CROT: variants seen among roughly 807,000 people sequenced by gnomAD.
The protein encoded by CROT is carnitine O-octanoyltransferase, also known as peroxisomal carnitine O-octanoyltransferase.
In CROT, 84 loss-of-function variants were observed where a neutral mutation model predicts 89.2. The observed-to-expected ratio is 0.94, with a 90% CI of 0.79 to 1.13. The LOEUF (loss-of-function observed/expected upper bound fraction) is 1.13, where lower values mean the gene tolerates loss of function less well. CROT is among the 50% of genes most tolerant of loss of function. The pLI is 0.00. For missense variants in CROT, 711 were observed against 727.8 expected (o/e 0.98, Z 0.27); for synonymous variants, 212 against 239.5 (o/e 0.89, Z 1.06).
intron 6 of CROT, among the ~76,000 whole-genome samples, chr7:87,366,232 G>A (rs975895065): frequency 3.3e-5 from 5 of 150,354 alleles, no homozygotes; most frequent in Admixed American, 1.3e-4. Flanking sequence ...CTGTACCCTC[G>A]CAAGGGGGAA....
intron 3 of CROT, chr7:87,357,497 C>T: frequency 6.4e-7 from 1 of 1,551,476 alleles, no homozygotes; most frequent in Non-Finnish European, 8.7e-7. Flanking sequence ...ATCCTAATGT[C>T]CCTTTGTAGT....
intron 10 of CROT, 54 bp downstream of exon 10, chr7:87,377,504 C>A: frequency 9.8e-7 from 1 of 1,018,844 alleles, no homozygotes; most frequent in Non-Finnish European, 1.5e-6. Flanking sequence ...AAATTAATGA[C>A]AATAAACCAT....
chr7:87,385,701 C>A (rs1807163834), intron 13 of CROT, among the ~76,000 whole-genome samples: 1 of 152,144 alleles, frequency 6.6e-6, no homozygotes, highest in Non-Finnish European at 1.5e-5. Flanking sequence ...TTGGCTAGGA[C>A]TTCCAATACT....
At chr7:87,384,923 C>T (rs1241913100) in intron 13 of CROT, among the ~76,000 whole-genome samples, 2 of 152,208 alleles carry the variant, frequency 1.3e-5, no homozygotes, top group Non-Finnish European at 2.9e-5. Context: ...TTTCATTCTT[C>T]TGCATATGGA....
chr7:87,362,650 T>A (rs1359720415), intron 6 of CROT, among the ~76,000 whole-genome samples: 1 of 152,114 alleles, frequency 6.6e-6, no homozygotes, highest in Non-Finnish European at 1.5e-5. Context: ...CAATTTTTTT[T>A]TTTAAACTGG....
At chr7:87,366,618 G>A (rs766300804) in intron 6 of CROT, among the ~76,000 whole-genome samples, 63 of 152,246 alleles carry the variant, frequency 4.1e-4, no homozygotes, top group Non-Finnish European at 8.4e-4. Flanking sequence ...GTGATTTACA[G>A]TTTAATGATG....
chr7:87,373,323 A>G (rs1287804969), intron 7 of CROT, among the ~76,000 whole-genome samples: 1 of 152,114 alleles, frequency 6.6e-6, no homozygotes, highest in Non-Finnish European at 1.5e-5. Context: ...TTCTTTAGAT[A>G]TAAGTCTTTT....
At chr7:87,394,825 G>A (rs150066688) in intron 17 of CROT, among the ~76,000 whole-genome samples, 1 of 152,120 alleles carries the variant, frequency 6.6e-6, no homozygotes, top group African/African-American at 2.4e-5. Context: ...GCCAGCAAAG[G>A]ATAGTTTGAT....
At chr7:87,365,501 A>G (rs1273078649) in intron 6 of CROT, among the ~76,000 whole-genome samples, 1 of 151,738 alleles carries the variant, frequency 6.6e-6, no homozygotes, top group Non-Finnish European at 1.5e-5. Context: ...AAAAAAAAAA[A>G]AGAGAGGGAG....
intron 6 of CROT, among the ~76,000 whole-genome samples, chr7:87,362,574 G>T (rs1488802326): frequency 1.3e-5 from 2 of 152,046 alleles, no homozygotes; most frequent in Non-Finnish European, 2.9e-5. Flanking sequence ...GAGATTACAG[G>T]CATGGGCCAC....
Position 87,392,651 on chromosome 7 carries a change from A to C in CROT, c.1504+7A>C. 2.5e-6 allele frequency: 4 copies of C among 1,612,432 alleles called. No individual in the cohort carries two copies. The East Asian group carries it at 8.9e-5, about 36-fold the overall frequency. On this transcript the variant is annotated splice_region_variant and intron_variant, in intron 15 of 17. Coordinates refer to ENST00000331536, the MANE Select transcript of CROT (RefSeq NM_021151.4). The stretch of plus-strand genomic sequence containing the variant: ...GATTGTTCAGCTGGAAAAGGTACTT[A>C]AGTTAAAATTTTTCTGACTTAAAAA...
At chr7:87,386,826 A>T (rs1807197451) in intron 13 of CROT, among the ~76,000 whole-genome samples, 2 of 151,908 alleles carry the variant, frequency 1.3e-5, no homozygotes, top group African/African-American at 4.8e-5. Flanking sequence ...TTCATTGGGG[A>T]TTGCTAACCC....
intron 4 of CROT, chr7:87,359,600 T>C: frequency 1.1e-5 from 13 of 1,191,454 alleles, no homozygotes; most frequent in Non-Finnish European, 1.4e-5. Flanking sequence ...AATCACTTCA[T>C]GTGGTTTGGC....
intron 9 of CROT, 38 bp downstream of exon 9, chr7:87,375,991 T>G (rs1414206644): frequency 1.3e-6 from 2 of 1,523,824 alleles, no homozygotes; most frequent in South Asian, 1.3e-5. Flanking sequence ...TTATTGCAGA[T>G]TTTTCTGGAA....
intron 1 of CROT, 142 bp downstream of exon 1, chr7:87,345,909 G>T (rs1020575616): frequency 1.3e-5 from 2 of 155,634 alleles, no homozygotes; most frequent in African/African-American, 4.8e-5. Context: ...GGGTCTCAGG[G>T]GTACCCTCAA....
chr7:87,365,709 A>G (rs112585663), intron 6 of CROT, among the ~76,000 whole-genome samples: 2,110 of 150,978 alleles, frequency 0.014, 55 homozygotes, highest in African/African-American at 0.049. Context: ...CTGGGCTCTA[A>G]CAGTCCTCCC....
chr7:87,381,176 T>G (rs1209746787), intron 10 of CROT, among the ~76,000 whole-genome samples: 1 of 152,238 alleles, frequency 6.6e-6, no homozygotes, highest in African/African-American at 2.4e-5. Flanking sequence ...AGATCATGAA[T>G]GATATCTGTG....
chr7:87,390,830 C>T (rs896036997), intron 13 of CROT, among the ~76,000 whole-genome samples: 1 of 152,226 alleles, frequency 6.6e-6, no homozygotes, highest in African/African-American at 2.4e-5. Context: ...AACGTAGTGG[C>T]TTAAAACACA....
intron 17 of CROT, among the ~76,000 whole-genome samples, chr7:87,394,458 A>G (rs1807461056): frequency 6.6e-6 from 1 of 152,172 alleles, no homozygotes; most frequent in Admixed American, 6.5e-5. Flanking sequence ...TGACATTACA[A>G]GAAAGAGTTG....
Sources: gnomAD v4.1 joint callset for allele counts (sites outside exome capture counted in the v4.1 genomes callset) on GRCh38, gnomAD v4.1.1 for gene constraint, MANE v1.5 for transcripts, NCBI Gene and HGNC (gene_info 2026-07-23, HGNC 2026-07-21) for gene names.